The following REC114 variants were observed in gnomAD, a reference collection of about 807,000 sequenced individuals.
REC114 encodes REC114 meiotic recombination protein, also known as meiotic recombination protein REC114.
Under a neutral mutation model 31.3 loss-of-function variants are expected in REC114, and 27 were observed. The ratio of observed to expected loss-of-function variants is 0.86; its 90% CI spans 0.64 to 1.19. The LOEUF (loss-of-function observed/expected upper bound fraction) is 1.19, where lower values mean the gene tolerates loss of function less well. Ranked by LOEUF, REC114 falls within the 50% of genes most tolerant of loss-of-function variation. The pLI, the probability that REC114 is intolerant of heterozygous loss-of-function variation, is 0.00. For synonymous variants in REC114, 134 were observed against 127.7 expected, an observed-to-expected ratio of 1.05 and a Z score of -0.33; for missense variants, 344 against 326.9, an observed-to-expected ratio of 1.05 and a Z score of -0.40.
chr15:73,459,813 G>A (rs1356862354), intron 1 of REC114, among the ~76,000 whole-genome samples: 1 of 152,096 alleles, frequency 6.6e-6, no homozygotes, highest in Non-Finnish European at 1.5e-5. Context: ...TCTTAGCCTA[G>A]GTCCTACAGT....
chr15:73,534,212 A>G lies in REC114; in HGVS notation c.250-6273A>G, dbSNP rs1894124324. 2.6e-5 allele frequency among the ~76,000 whole-genome samples: 4 copies of G among 152,230 alleles called. No individual in the cohort carries two copies. The South Asian group carries it at 8.3e-4, about 32-fold the overall frequency. The stretch of plus-strand genomic sequence containing the variant: ...CAGAGCAGAACTGAAGGAAATAGAG[A>G]TACAAAAAACCCTTCAAAAAATTAA... On this transcript the variant is annotated intron_variant, in intron 2 of 5. Transcript: ENST00000331090.
At chr15:73,473,943 T>G in intron 2 of REC114, 22 bp downstream of exon 2, 1 of 1,399,506 alleles carries the variant, frequency 7.1e-7, no homozygotes, top group Non-Finnish European at 9.9e-7. Flanking sequence ...GCATAACAGT[T>G]TAATATGGAA....
intron 2 of REC114, among the ~76,000 whole-genome samples, chr15:73,487,690 C>G (rs1893389405): frequency 6.6e-6 from 1 of 152,214 alleles, no homozygotes. Flanking sequence ...GTGCCTGCAG[C>G]TCTTCCAGGC....
chr15:73,513,338 A>G (rs1214127665), intron 2 of REC114, among the ~76,000 whole-genome samples: 1 of 151,250 alleles, frequency 6.6e-6, no homozygotes, highest in African/African-American at 2.4e-5. Flanking sequence ...TTCTAGTTAT[A>G]CACTCTTCTA....
intron 3 of REC114, among the ~76,000 whole-genome samples, chr15:73,547,705 T>A (rs1894329212): frequency 1.3e-5 from 2 of 152,190 alleles, no homozygotes; most frequent in South Asian, 4.1e-4. Flanking sequence ...GGAGTACTAT[T>A]CAGCCATAAA....
At chr15:73,507,914 A>ATT (rs1412299106) in intron 2 of REC114, among the ~76,000 whole-genome samples, 1 of 152,162 alleles carries the variant, frequency 6.6e-6, no homozygotes, top group African/African-American at 2.4e-5. Flanking sequence ...TCAGAAAGCC[A>ATT]TTTCCAAGTA....
intron 3 of REC114, among the ~76,000 whole-genome samples, chr15:73,550,261 A>G (rs904957310): frequency 2.0e-4 from 30 of 152,314 alleles, no homozygotes; most frequent in African/African-American, 6.7e-4. Flanking sequence ...ACTTGTAATC[A>G]AATAAGTTTG....
intron 4 of REC114, 23 bp from the exon 5 acceptor site, chr15:73,556,276 CCTT>C (rs1400260962): frequency 6.3e-7 from 1 of 1,595,986 alleles, no homozygotes; most frequent in Non-Finnish European, 8.6e-7. Context: ...CAGCTAGTCT[CCTT>C]ATTGCATGTT....
At chr15:73,481,060 G>A (rs751340980) in intron 2 of REC114, among the ~76,000 whole-genome samples, 17 of 152,110 alleles carry the variant, frequency 1.1e-4, no homozygotes, top group East Asian at 1.9e-4. Context: ...AATCACTGGC[G>A]TGAATCTAAA....
chr15:73,444,514 G>A lies in REC114; in HGVS notation c.159+1170G>A, dbSNP rs189048588. Among the ~76,000 whole-genome samples, 189 of 152,248 alleles carry A rather than the reference G, an allele frequency of 1.2e-3. 1 individual carries two copies. Among genetic ancestry groups the A allele is most frequent in the African/African-American group, 4.3e-3 (177 of 41,534 alleles). On this transcript the variant is annotated intron_variant, in intron 1 of 5. Coordinates refer to ENST00000331090, the MANE Select transcript of REC114 (RefSeq NM_001042367.2). ...ACTCGTCATCTCTTCAAGTTTTATCGTAAAATTATAGCAATTCAGTCCCAT... is the reference window on the plus strand; with the variant it reads ...ACTCGTCATCTCTTCAAGTTTTATCATAAAATTATAGCAATTCAGTCCCAT...
At chr15:73,549,837 AC>A (rs1289482511) in intron 3 of REC114, among the ~76,000 whole-genome samples, 2 of 152,326 alleles carry the variant, frequency 1.3e-5, no homozygotes, top group East Asian at 3.9e-4. Context: ...ATGATAGCTT[AC>A]CATTATCTCA....
chr15:73,549,692 TA>T (rs1163671159), intron 3 of REC114, among the ~76,000 whole-genome samples: 2 of 151,578 alleles, frequency 1.3e-5, no homozygotes, highest in Non-Finnish European at 2.9e-5. Context: ...TGACTCTTCA[TA>T]TTTTTTCCAA....
intron 1 of REC114, among the ~76,000 whole-genome samples, chr15:73,459,913 T>C (rs80140464): frequency 0.025 from 3,871 of 152,198 alleles, 98 homozygotes; most frequent in African/African-American, 0.061. Flanking sequence ...CTTTTGGGGG[T>C]TAATTTCTGC....
At chr15:73,470,949 G>A (rs1893125441) in intron 1 of REC114, among the ~76,000 whole-genome samples, 1 of 152,204 alleles carries the variant, frequency 6.6e-6, no homozygotes, top group African/African-American at 2.4e-5. Flanking sequence ...GGCTAGTGTG[G>A]CTGATGAGAG....
chr15:73,446,766 A>C (rs1352780108), intron 1 of REC114, among the ~76,000 whole-genome samples: 1 of 152,232 alleles, frequency 6.6e-6, no homozygotes, highest in African/African-American at 2.4e-5. Flanking sequence ...TGGTAGCTTG[A>C]GATAAGCCTG....
intron 2 of REC114, among the ~76,000 whole-genome samples, chr15:73,505,842 C>G (rs775158477): frequency 7.9e-5 from 12 of 152,170 alleles, no homozygotes; most frequent in Non-Finnish European, 1.3e-4. Context: ...TGCACTTCTC[C>G]TTCTTACCCT....
intron 2 of REC114, among the ~76,000 whole-genome samples, chr15:73,504,321 C>T (rs1893645166): frequency 6.6e-6 from 1 of 151,928 alleles, no homozygotes; most frequent in Non-Finnish European, 1.5e-5. Flanking sequence ...TTTTATATTT[C>T]TTTGTTTTTC....
At chr15:73,553,180 C>T (rs746561440) in intron 4 of REC114, among the ~76,000 whole-genome samples, 1 of 152,146 alleles carries the variant, frequency 6.6e-6, no homozygotes, top group South Asian at 2.1e-4. Context: ...ATTTATTATA[C>T]AATCTTTTTC....
At chr15:73,469,527 T>G (rs1290430439) in intron 1 of REC114, among the ~76,000 whole-genome samples, 1 of 152,036 alleles carries the variant, frequency 6.6e-6, no homozygotes, top group East Asian at 1.9e-4. Context: ...ACTCCTGAGC[T>G]CAAGTGATCC....
Sources: gnomAD v4.1 joint callset for allele counts (sites outside exome capture counted in the v4.1 genomes callset) on GRCh38, gnomAD v4.1.1 for gene constraint, MANE v1.5 for transcripts, NCBI Gene and HGNC (gene_info 2026-07-23, HGNC 2026-07-21) for gene names.